Variants in NIPBL observed in about 807,000 individuals in gnomAD.
The protein encoded by NIPBL is nipped-B-like protein.
A neutral mutation model predicts 321.8 loss-of-function variants in NIPBL; 19 were observed. The observed-to-expected ratio is 0.06, with a 90% confidence interval of 0.04 to 0.09. The LOEUF (loss-of-function observed/expected upper bound fraction) is 0.09, where lower values mean the gene tolerates loss of function less well. Ranked by LOEUF, NIPBL falls within the 10% of genes least tolerant of loss-of-function variation. NIPBL has a pLI of 1.00. For missense variants in NIPBL, 2,210 were observed against 3,327.0 expected, an observed-to-expected ratio of 0.66 and a Z score of 8.26; for synonymous variants, 1,106 against 1,114.1, an observed-to-expected ratio of 0.99 and a Z score of 0.14.
chr5:37,060,793 A>G, intron 44 of NIPBL, 51 bp from the exon 45 acceptor site: 1 of 1,500,770 alleles, frequency 6.7e-7, no homozygotes, highest in South Asian at 1.2e-5. Context: ...ATTTCTCCAA[A>G]TACGTTGTTT....
chr5:37,001,107 A>T, intron 14 of NIPBL, 29 bp downstream of exon 14: 3 of 1,397,504 alleles, frequency 2.1e-6, no homozygotes, highest in Non-Finnish European at 3.0e-6. Flanking sequence ...ACATTTACAC[A>T]TACTCTAAGT....
chr5:37,058,258 T>G (rs1754310107), intron 43 of NIPBL, among the ~76,000 whole-genome samples: 1 of 152,230 alleles, frequency 6.6e-6, no homozygotes, highest in African/African-American at 2.4e-5. Context: ...CCAGGAGCTT[T>G]AGCCCTCATG....
intron 1 of NIPBL, chr5:36,885,823 G>A (rs1745855652): frequency 1.5e-6 from 1 of 670,562 alleles, no homozygotes; most frequent in African/African-American, 1.8e-5. Flanking sequence ...AGGCTCTCAG[G>A]GAGGAGCTGC....
At chr5:36,971,175 T>A (rs1393838253) in intron 7 of NIPBL, 139 bp downstream of exon 7, 1 of 735,938 alleles carries the variant, frequency 1.4e-6, no homozygotes, top group Non-Finnish European at 2.4e-6. Flanking sequence ...CTCCTGCACA[T>A]ACAGAGCTTA....
intron 11 of NIPBL, among the ~76,000 whole-genome samples, chr5:36,999,767 C>G (rs1164981629): frequency 1.3e-5 from 2 of 152,160 alleles, no homozygotes; most frequent in African/African-American, 4.8e-5. Context: ...TGTTGAAGAA[C>G]TGAATTCATT....
At chr5:36,937,853 C>T (rs1036373695) in intron 1 of NIPBL, among the ~76,000 whole-genome samples, 1 of 151,988 alleles carries the variant, frequency 6.6e-6, no homozygotes, top group African/African-American at 2.4e-5. Context: ...TTTTTATTTT[C>T]GATATCAAAA....
intron 20 of NIPBL, among the ~76,000 whole-genome samples, chr5:37,009,059 T>C (rs1303183606): frequency 6.6e-6 from 1 of 152,180 alleles, no homozygotes; most frequent in African/African-American, 2.4e-5. Context: ...TAGGTACCAA[T>C]AGACACCCTT....
intron 29 of NIPBL, 51 bp from the exon 30 acceptor site, chr5:37,024,534 C>T (rs1011140378): frequency 2.7e-6 from 4 of 1,496,822 alleles, no homozygotes; most frequent in East Asian, 4.6e-5. Context: ...TAATTTCATA[C>T]ACTAGGCATC....
At chr5:36,993,754 T>A (rs1188062979) in intron 10 of NIPBL, among the ~76,000 whole-genome samples, 4 of 151,938 alleles carry the variant, frequency 2.6e-5, no homozygotes, top group African/African-American at 9.7e-5. Context: ...ATGTTTCCAA[T>A]ATACTGCAAA....
At chr5:37,010,547 C>G (rs796491465) in intron 21 of NIPBL, among the ~76,000 whole-genome samples, 1 of 152,186 alleles carries the variant, frequency 6.6e-6, no homozygotes, top group African/African-American at 2.4e-5. Flanking sequence ...AACTCATGAT[C>G]CACCCTCCTC....
chr5:37,047,304 G>T (rs761725184), intron 38 of NIPBL, among the ~76,000 whole-genome samples: 2 of 152,082 alleles, frequency 1.3e-5, no homozygotes, highest in Admixed American at 6.6e-5. Context: ...TATGATTAAG[G>T]TTTATACTTT....
Position 36,976,351 on chromosome 5 carries a change from A to G in NIPBL, c.1444A>G (p.Arg482Gly). 1 of 1,612,294 alleles carries G rather than the reference A, an allele frequency of 6.2e-7. No individual in the cohort carries two copies. ...ATTGGCTGAAATTGAGCGAATAGAGAGAGAATCAGCTATTGAAAGGGAGCG... is the reference window on the plus strand; with the variant it reads ...ATTGGCTGAAATTGAGCGAATAGAGGGAGAATCAGCTATTGAAAGGGAGCG... ...DALAEIERIE[R>G]ESAIERERFS... is the part of the protein sequence containing the mutation. Residue 482 changes from arginine to glycine, a missense_variant, in exon 9 of 47, where the codon AGA (arginine) becomes GGA (glycine). By Grantham distance (125) the Arg-to-Gly change is moderately radical (BLOSUM62 -2). Transcript: ENST00000282516.
Position 37,063,971 on chromosome 5 carries a change from C to T in NIPBL, c.8042C>T (p.Thr2681Ile). The change falls in exon 46 of 47, where the codon ACT (threonine) becomes ATT (isoleucine). Residue 2681 changes from threonine (T) to isoleucine (I), a missense_variant. Thr to Ile is a moderately conservative substitution (Grantham distance 89). Coordinates refer to ENST00000282516, the MANE Select transcript of NIPBL (RefSeq NM_133433.4). The part of the protein sequence containing the change: ...ESDGEDRGGG[T>I]SGSLRRSKRN... ...GATGGGGAGGATAGAGGAGGAGGCA[C>T]TTCAGGGGTGAGGCGGAGGAGGAGT... The T allele has an allele frequency of 6.2e-7, 1 of 1,613,972 alleles. No individual in the cohort carries two copies.
At chr5:37,015,978 A>C in intron 22 of NIPBL, 60 bp from the exon 23 acceptor site, 1 of 1,557,500 alleles carries the variant, frequency 6.4e-7, no homozygotes, top group Non-Finnish European at 8.9e-7. Flanking sequence ...ATGTTGGTAG[A>C]CAGATGACTG....
rs781508732 is a variant in NIPBL at position 37,020,140 on chromosome 5, A to G, written c.5011-319A>G. 8.2e-4 allele frequency among the ~76,000 whole-genome samples: 125 copies of G among 152,254 alleles called. 3 individuals are homozygous for G. The highest frequency in any genetic ancestry group is 1.9e-4 in the Non-Finnish European group (13 of 68,042). ...TGTTTTAAACTTTCCTAGTTGACCC[A>G]TCATCTGTTTAACTTTGTCATGATG... On this transcript the variant is annotated intron_variant, in intron 25 of 46. Transcript: ENST00000282516.
At chr5:36,957,291 A>T (rs1214882255) in intron 3 of NIPBL, among the ~76,000 whole-genome samples, 1 of 152,188 alleles carries the variant, frequency 6.6e-6, no homozygotes, top group African/African-American at 2.4e-5. Context: ...CCATGACATT[A>T]TTTGAGAAAG....
chr5:37,036,094 G>A (rs551373917), intron 32 of NIPBL, among the ~76,000 whole-genome samples: 15 of 151,922 alleles, frequency 9.9e-5, no homozygotes, highest in South Asian at 4.1e-4. Context: ...CATCTTTCAC[G>A]TATTACCTTA....
intron 21 of NIPBL, among the ~76,000 whole-genome samples, chr5:37,010,995 G>T (rs1430909457): frequency 1.3e-5 from 2 of 151,870 alleles, no homozygotes; most frequent in African/African-American, 4.8e-5. Flanking sequence ...TTCAGATTAG[G>T]GGTACTAAAC....
rs1274571420 is a variant in NIPBL, at chr5:36,985,943, A to G, written c.2763A>G (p.Thr921=). The change falls in exon 10 of 47, where the codon ACA becomes ACG. Residue 921 remains threonine (T), a synonymous_variant. Transcript: ENST00000282516. ...KSPTSKDDKR[T]EGNKSKVDTN... is the part of the protein sequence containing the mutation. Reference sequence around the variant, plus strand: ...CAACTAGTAAAGATGACAAAAGGACAGAGGGTAACAAGAGTAAAGTAGACA... The same window carrying G: ...CAACTAGTAAAGATGACAAAAGGACGGAGGGTAACAAGAGTAAAGTAGACA... The G allele has an allele frequency of 3.1e-6, 5 of 1,614,036 alleles. No individual in the cohort carries two copies. Among genetic ancestry groups the G allele is most frequent in the Non-Finnish European group, 4.2e-6 (5 of 1,179,964 alleles).
Sources: allele counts gnomAD v4.1 joint callset (sites outside exome capture counted in the v4.1 genomes callset), GRCh38; gene constraint gnomAD v4.1.1; transcripts MANE v1.5; gene names NCBI Gene and HGNC (gene_info 2026-07-23, HGNC 2026-07-21).